Variants in MXRA8 observed in about 807,000 individuals in gnomAD.
MXRA8 encodes matrix remodeling-associated protein 8.
Under a neutral mutation model 51.4 loss-of-function variants are expected in MXRA8, and 44 were observed. That is an observed-to-expected ratio of 0.86 (90% CI 0.67 to 1.10). MXRA8 has a LOEUF of 1.10. Among genes scored for constraint, MXRA8 ranks in the 50% least tolerant of loss-of-function variants. MXRA8 has a pLI of 0.00. For synonymous variants in MXRA8, 369 were observed against 293.5 expected (o/e 1.26, Z -2.63); for missense variants, 765 against 638.9 (o/e 1.20, Z -2.13).
Position 1,354,232 on chromosome 1 carries a change from C to T in MXRA8, c.1106G>A (p.Gly369Asp). 1 of 1,612,272 alleles carries T rather than the reference C, an allele frequency of 6.2e-7. No homozygotes were observed. Among genetic ancestry groups the T allele is most frequent in the Non-Finnish European group, 8.5e-7 (1 of 1,179,850 alleles). The change falls in exon 7 of 10, where the codon GGC becomes GAC. Residue 369 changes from glycine (G) to aspartate (D), a missense_variant and splice_region_variant. Gly to Asp is a moderately conservative substitution (Grantham distance 94). Coordinates refer to ENST00000309212, the MANE Select transcript of MXRA8 (RefSeq NM_032348.4). The stretch of plus-strand genomic sequence containing the variant: ...CGACTTCTGGTCCGAGTATTCGTAG[C>T]CTGGGAAGGAGACTCACATTGGGGG... ...VLLAARRRRG[G>D]YEYSDQKSGK... is the part of the protein sequence containing the mutation.
upstream of MXRA8, among the ~76,000 whole-genome samples, chr1:1,361,055 G>A (rs555145993): frequency 6.7e-6 from 1 of 149,980 alleles, no homozygotes; most frequent in Admixed American, 6.7e-5. Flanking sequence ...CGGAGACACA[G>A]ATACATGGAA....
At chr1:1,353,691 A>C (rs1205176728) in intron 9 of MXRA8, 62 bp from the exon 10 acceptor site, 1 of 1,523,244 alleles carries the variant, frequency 6.6e-7, no homozygotes, top group African/African-American at 1.4e-5. Flanking sequence ...AGTGGGAGAC[A>C]CAGGGCAGAC....
chr1:1,359,805 A>G (rs1644197507), upstream of MXRA8, among the ~76,000 whole-genome samples: 1 of 152,170 alleles, frequency 6.6e-6, no homozygotes, highest in Non-Finnish European at 1.5e-5. Context: ...AGGGCTGAAC[A>G]CATCCCGCCA....
chr1:1,354,107 C>G lies in MXRA8; in HGVS notation c.1146-1G>C. ...GAACTCCGCCAAGTTAACATCCTTC[C>G]TGGATGGCGAGGGTGGGAGGAGGTT... is the stretch of plus-strand genomic sequence containing the variant. On this transcript the variant is annotated splice_acceptor_variant, in intron 7 of 9. Coordinates refer to ENST00000309212, the MANE Select transcript of MXRA8 (RefSeq NM_032348.4). LOFTEE classifies it high-confidence loss of function. The G allele has an allele frequency of 6.2e-7, 1 of 1,612,932 alleles. No individual in the cohort carries two copies. The highest frequency in any genetic ancestry group is 8.5e-7 in the Non-Finnish European group (1 of 1,179,990).
Position 1,355,651 on chromosome 1 carries a change from T to C in MXRA8, c.175A>G (p.Met59Val). ...TGCAGCCGGTCCTGGGTCCACACCATGCGCGGGCTCTGGCAGCGCAGCACC... is the reference window on the plus strand; with the variant it reads ...TGCAGCCGGTCCTGGGTCCACACCACGCGCGGGCTCTGGCAGCGCAGCACC... ...RAVLRCQSPR[M>V]VWTQDRLHDR... Residue 59 changes from methionine (M) to valine (V), a missense_variant, in exon 3 of 10, where the codon ATG becomes GTG. Coordinates refer to ENST00000309212, the MANE Select transcript of MXRA8 (RefSeq NM_032348.4). 1.7e-5 allele frequency: 25 copies of C among 1,434,406 alleles called. 1 individual carries two copies. Among genetic ancestry groups the C allele is most frequent in the Non-Finnish European group, 1.6e-5 (18 of 1,097,812 alleles). The allele number at this position is 1,434,406 out of a possible 1,614,324, so 88.9% of individuals were successfully genotyped here.
upstream of MXRA8, chr1:1,358,695 G>A: frequency 7.2e-7 from 1 of 1,395,364 alleles, no homozygotes; most frequent in Non-Finnish European, 9.3e-7. Flanking sequence ...TGGCCTGCTG[G>A]GGAGGGGCAG....
Position 1,354,522 on chromosome 1 carries a change from C to A in MXRA8, c.950-13G>T. 6.2e-7 allele frequency: 1 copy of A among 1,609,748 alleles called. No homozygotes were observed. Among genetic ancestry groups the A allele is most frequent in the Non-Finnish European group, 8.5e-7 (1 of 1,178,472 alleles). The stretch of plus-strand genomic sequence containing the variant: ...GCCAGTGTGGGGTCTGCGGGGAACG[C>A]GGGGTCGGGGCGGCGTCAGGTACCA... On this transcript the variant is annotated splice_polypyrimidine_tract_variant and intron_variant, in intron 5 of 9. Transcript: ENST00000309212.
In MXRA8 at chr1:1,354,717, C is replaced by A; in HGVS notation, c.914G>T (p.Gly305Val). 2 of 1,600,550 alleles carry A rather than the reference C, an allele frequency of 1.2e-6. No individual in the cohort carries two copies. The highest frequency in any genetic ancestry group is 2.3e-5 in the East Asian group (1 of 44,220). The change falls in exon 5 of 10, where the codon GGC (glycine) becomes GTC (valine). Residue 305 changes from glycine to valine, a missense_variant. By Grantham distance (109) the Gly-to-Val change is moderately radical. Coordinates refer to ENST00000309212, the MANE Select transcript of MXRA8 (RefSeq NM_032348.4). The part of the protein sequence containing the change: ...HAEPPPRGSP[G>V]NGSSHSGAPG... The stretch of plus-strand genomic sequence containing the variant: ...GGCGCCGCTGTGGCTGGAGCCGTTG[C>A]CCGGAGAGCCCCGGGGGGGCGGCTC...
Position 1,355,450 on chromosome 1 carries a change from C to G in MXRA8, c.376G>C (p.Ala126Pro). Residue 126 changes from alanine (A) to proline (P), a missense_variant and splice_region_variant, in exon 3 of 10, where the codon GCG becomes CCG. Ala to Pro is a conservative substitution (Grantham distance 27, BLOSUM62 -1). Transcript: ENST00000309212. ...DDGNFSLLIR[A>P]VEETDAGLYT... ...CGGCCCCGGTCCCCGGTCCCCGCAC[C>G]GCGGATGAGCAGCGAGAAGTTGCCG... 2 of 1,497,190 alleles carry G rather than the reference C, an allele frequency of 1.3e-6. No homozygotes were observed. Among genetic ancestry groups the G allele is most frequent in the Non-Finnish European group, 1.8e-6 (2 of 1,133,110 alleles). 92.7% of individuals were successfully genotyped at this position (1,497,190 alleles called of 1,614,324 possible). A position where few individuals can be genotyped will look rare whatever the true frequency, so the allele number is the denominator to read the frequency against.
upstream of MXRA8, chr1:1,361,177 G>A: frequency 1.4e-6 from 1 of 702,766 alleles, no homozygotes; most frequent in Non-Finnish European, 2.6e-6. Context: ...CACAGACACA[G>A]GTCCACACAC....
chr1:1,353,458 CG>C lies in MXRA8; in HGVS notation c.*145del. 1 of 1,502,108 alleles carries C rather than the reference CG, an allele frequency of 6.7e-7. No homozygotes were observed. Among genetic ancestry groups the C allele is most frequent in the Non-Finnish European group, 8.9e-7 (1 of 1,122,684 alleles). 93.0% of individuals were successfully genotyped at this position (1,502,108 alleles called of 1,614,324 possible). ...AGCCCCTGGGAGAGGGGTGTGGAGGCGGCCTCTGCATACGCCCAGGCCAAAT... is the reference window on the plus strand; with the variant it reads ...AGCCCCTGGGAGAGGGGTGTGGAGGCGCCTCTGCATACGCCCAGGCCAAAT... On this transcript the variant is annotated 3_prime_UTR_variant, in exon 10 of 10. Coordinates refer to ENST00000309212, the MANE Select transcript of MXRA8 (RefSeq NM_032348.4).
In MXRA8 at chr1:1,353,711, G is replaced by A; in HGVS notation, c.1304-82C>T. The A allele has an allele frequency of 4.0e-6, 6 of 1,488,600 alleles. No individual in the cohort carries two copies. The East Asian group carries it at 7.3e-5, about 18-fold the overall frequency. 92.2% of individuals were successfully genotyped at this position (1,488,600 alleles called of 1,614,324 possible). A position where few individuals can be genotyped will look rare whatever the true frequency, so the allele number is the denominator to read the frequency against. On this transcript the variant is annotated intron_variant, in intron 9 of 9. Transcript: ENST00000309212. ...GAGACACAGGGCAGACCCCCCCGCAGGACTCCCCAGGGATTTCTGAGCCTG... is the reference window on the plus strand; with the variant it reads ...GAGACACAGGGCAGACCCCCCCGCAAGACTCCCCAGGGATTTCTGAGCCTG...
upstream of MXRA8, chr1:1,359,464 A>C: frequency 2.0e-6 from 2 of 985,476 alleles, no homozygotes; most frequent in Non-Finnish European, 2.4e-6. Flanking sequence ...AACAATCTGA[A>C]CAACCACAAC....
intron 1 of MXRA8, 134 bp from the exon 2 acceptor site, chr1:1,356,838 G>A (rs1255157741): frequency 6.7e-6 from 5 of 744,174 alleles, no homozygotes; most frequent in East Asian, 6.8e-5. Flanking sequence ...CAGGGAGGAC[G>A]CCTCTCACAC....
chr1:1,355,229 G>T lies in MXRA8; in HGVS notation c.478+15C>A. The T allele has an allele frequency of 6.5e-7, 1 of 1,540,372 alleles. No individual in the cohort carries two copies. Among genetic ancestry groups the T allele is most frequent in the South Asian group, 1.2e-5 (1 of 83,488 alleles). On this transcript the variant is annotated intron_variant, in intron 4 of 9. Coordinates refer to ENST00000309212, the MANE Select transcript of MXRA8 (RefSeq NM_032348.4). ...TCGAGGGGCGGGAGCTGGGGGGCGG[G>T]GGGGAAGCACTCACGGCCGTCGGTG...
chr1:1,359,058 T>C, upstream of MXRA8: 7 of 985,156 alleles, frequency 7.1e-6, no homozygotes, highest in Non-Finnish European at 8.4e-6. Context: ...TGGCCCTGCA[T>C]GACCTTGGTA....
At chr1:1,362,344 A>T (rs1027099911), upstream of MXRA8, among the ~76,000 whole-genome samples, 2 of 152,230 alleles carry the variant, frequency 1.3e-5, no homozygotes, top group East Asian at 3.8e-4. Context: ...ACATTTCACA[A>T]ATCATCTGCC....
At chr1:1,359,497 G>C, upstream of MXRA8, 1 of 985,464 alleles carries the variant, frequency 1.0e-6, no homozygotes, top group Non-Finnish European at 1.2e-6. Context: ...TCAGTGCATA[G>C]TTCCGCCCGC....
chr1:1,357,189 C>T (rs890289712), intron 1 of MXRA8, among the ~76,000 whole-genome samples: 1 of 152,210 alleles, frequency 6.6e-6, no homozygotes, highest in Non-Finnish European at 1.5e-5. Flanking sequence ...GAATGTGGGT[C>T]GTGACCCCGG....
Sources: allele counts gnomAD v4.1 joint callset (sites outside exome capture counted in the v4.1 genomes callset), GRCh38; gene constraint gnomAD v4.1.1; transcripts MANE v1.5; gene names NCBI Gene and HGNC (gene_info 2026-07-23, HGNC 2026-07-21).